IL34: variants seen among roughly 807,000 people sequenced by gnomAD.
The protein encoded by IL34 is interleukin-34.
Under a neutral mutation model 25.3 loss-of-function variants are expected in IL34, and 17 were observed. The observed-to-expected ratio is 0.67, with a 90% CI of 0.46 to 1.01. IL34 has a LOEUF of 1.01. Ranked by LOEUF, IL34 falls within the 50% of genes least tolerant of loss-of-function variation. IL34 has a pLI of 0.00. For synonymous variants in IL34, 174 were observed against 140.9 expected (o/e 1.23, Z -1.66); for missense variants, 368 against 312.9 (o/e 1.18, Z -1.33).
At position 70,640,625 on chromosome 16, in the gene IL34, A is replaced by AT. The variant is rs1337838044; in HGVS notation, c.-400-5922dup. On this transcript the variant is annotated intron_variant, in intron 1 of 6. Coordinates refer to the IL34 transcript ENST00000429149. ...GGCGACAGAGCAAGACTCCGTCTCAATAAAAAAAAAAAAAAAAGTTAGTTT... is the reference window on the plus strand; with the variant it reads ...GGCGACAGAGCAAGACTCCGTCTCAATTAAAAAAAAAAAAAAAAGTTAGTTT... Among the ~76,000 whole-genome samples, 104 of 105,692 alleles carry AT rather than the reference A, an allele frequency of 9.8e-4. No individual in the cohort carries two copies. In the Middle Eastern group the frequency reaches 0.013, roughly 13 times the overall value. The allele number at this position is 105,692 out of a possible 152,430, so 69.3% of individuals were successfully genotyped here. A position where few individuals can be genotyped will look rare whatever the true frequency, so the allele number is the denominator to read the frequency against.
chr16:70,634,638 T>G (rs1211407865), intron 1 of IL34, among the ~76,000 whole-genome samples: 1 of 150,354 alleles, frequency 6.7e-6, no homozygotes, highest in African/African-American at 2.5e-5. Context: ...CGAGATCGTG[T>G]CACTGAACTC....
chr16:70,629,807 T>G (rs560394925), intron 1 of IL34, among the ~76,000 whole-genome samples: 1 of 152,322 alleles, frequency 6.6e-6, no homozygotes, highest in African/African-American at 2.4e-5. Context: ...AATAATCACA[T>G]GAGTGTACAT....
At position 70,660,085 on chromosome 16, in the gene IL34, C is replaced by G. The variant is rs1425298750; in HGVS notation, c.627C>G (p.Ala209=). 2 of 1,613,766 alleles carry G rather than the reference C, an allele frequency of 1.2e-6. No individual in the cohort carries two copies. The highest frequency in any genetic ancestry group is 1.7e-6 in the Non-Finnish European group (2 of 1,179,912). ...CAGAGCCCTCATTGCAGTATGCGGC[C>G]ACCCAGCTGTACCCTCCGCCCCCGT... The part of the protein sequence containing the change: ...CSPEPSLQYA[A]TQLYPPPPWS... Residue 209 remains alanine (A), a synonymous_variant, in exon 6 of 6, where the codon GCC becomes GCG. Coordinates refer to ENST00000288098, the MANE Select transcript of IL34 (RefSeq NM_001393494.1).
At chr16:70,590,760 C>T (rs1030124250) in intron 1 of IL34, among the ~76,000 whole-genome samples, 4 of 152,182 alleles carry the variant, frequency 2.6e-5, no homozygotes, top group African/African-American at 4.8e-5. Context: ...TGCTGGGATT[C>T]GAACCCAGGC....
chr16:70,594,558 T>C (rs1361034841), intron 1 of IL34, among the ~76,000 whole-genome samples: 2 of 152,180 alleles, frequency 1.3e-5, no homozygotes, highest in African/African-American at 4.8e-5. Flanking sequence ...TTCCAAAGAT[T>C]GTATGTGTAT....
At chr16:70,600,018 C>T (rs979423573) in intron 1 of IL34, among the ~76,000 whole-genome samples, 2 of 152,056 alleles carry the variant, frequency 1.3e-5, no homozygotes, top group African/African-American at 2.4e-5. Context: ...CTGGCCTTGT[C>T]CTGGCTGTCC....
At chr16:70,644,918 A>AAGGAGGAGGGGGAGGAGGAAGGAGGAAG (rs2051880303), upstream of IL34, among the ~76,000 whole-genome samples, 2 of 85,264 alleles carry the variant, frequency 2.3e-5, 1 homozygote, top group Non-Finnish European at 5.0e-5. Context: ...GAGGGAGGAG[A>AAGGAGGAGGGGGAGGAGGAAGGAGGAAG]AGGAGGAGGA....
chr16:70,642,153 G>T (rs562529372), upstream of IL34, among the ~76,000 whole-genome samples: 3 of 152,112 alleles, frequency 2.0e-5, no homozygotes, highest in Admixed American at 2.0e-4. Context: ...ATTGATTTCC[G>T]GTGAGGGCTC....
upstream of IL34, among the ~76,000 whole-genome samples, chr16:70,643,269 G>A (rs1292622946): frequency 6.6e-6 from 1 of 152,140 alleles, no homozygotes; most frequent in Non-Finnish European, 1.5e-5. Context: ...TTGCCATATT[G>A]GCCAGGCTGG....
chr16:70,591,343 G>A (rs554265604), intron 1 of IL34, among the ~76,000 whole-genome samples: 2 of 152,226 alleles, frequency 1.3e-5, no homozygotes, highest in East Asian at 1.9e-4. Flanking sequence ...CAGAGCTGAG[G>A]CAGGATGACC....
intron 1 of IL34, among the ~76,000 whole-genome samples, chr16:70,612,992 C>T (rs1046504198): frequency 5.9e-5 from 9 of 152,074 alleles, no homozygotes; most frequent in Non-Finnish European, 2.9e-5. Flanking sequence ...AGGCTGGTCT[C>T]GAACTCCTGA....
At chr16:70,650,204 G>T (rs906904779) in intron 1 of IL34, among the ~76,000 whole-genome samples, 1 of 152,146 alleles carries the variant, frequency 6.6e-6, no homozygotes, top group South Asian at 2.1e-4. Flanking sequence ...CAGAGCATGT[G>T]GGGGACAGTG....
chr16:70,585,762 G>C (rs1266694150), intron 1 of IL34, among the ~76,000 whole-genome samples: 4 of 151,238 alleles, frequency 2.6e-5, no homozygotes, highest in Non-Finnish European at 5.9e-5. Context: ...GAACTCCTGG[G>C]CTTAAGCAGT....
chr16:70,645,173 G>T (rs1392544642), upstream of IL34, among the ~76,000 whole-genome samples: 1 of 152,002 alleles, frequency 6.6e-6, no homozygotes. Context: ...GGAGGAAGAG[G>T]AAGGAGGAAA....
At chr16:70,642,034 T>G (rs906708429), upstream of IL34, among the ~76,000 whole-genome samples, 7 of 152,166 alleles carry the variant, frequency 4.6e-5, 1 homozygote, top group African/African-American at 1.7e-4. Flanking sequence ...GTGTCTTAGT[T>G]TACCTGGCCT....
intron 1 of IL34, among the ~76,000 whole-genome samples, chr16:70,582,362 A>G (rs1277541053): frequency 6.6e-6 from 1 of 152,240 alleles, no homozygotes; most frequent in Non-Finnish European, 1.5e-5. Flanking sequence ...GAGTTTCTGG[A>G]ACATCTGTGG....
In IL34 at chr16:70,603,984, C is replaced by G. The variant is rs561396702; in HGVS notation, c.-401+23935C>G. Among the ~76,000 whole-genome samples the G allele has an allele frequency of 2.6e-4, 40 of 152,286 alleles. No individual in the cohort carries two copies. The Middle Eastern group carries it at 0.01, about 39-fold the overall frequency. Reference sequence around the variant, plus strand: ...GAAGATTTGCCAGCCCTTGACTGTGCCTGCCTGCATTAATTGCTTTAATTA... The same window carrying G: ...GAAGATTTGCCAGCCCTTGACTGTGGCTGCCTGCATTAATTGCTTTAATTA... On this transcript the variant is annotated intron_variant, in intron 1 of 6. Transcript: ENST00000429149.
At chr16:70,588,528 T>C (rs1400322857) in intron 1 of IL34, among the ~76,000 whole-genome samples, 1 of 151,650 alleles carries the variant, frequency 6.6e-6, no homozygotes, top group African/African-American at 2.4e-5. Flanking sequence ...AGAATCACCA[T>C]ACAATCCAGC....
At chr16:70,632,413 T>G (rs1485852678) in intron 1 of IL34, among the ~76,000 whole-genome samples, 1 of 152,192 alleles carries the variant, frequency 6.6e-6, no homozygotes, top group Non-Finnish European at 1.5e-5. Context: ...AATCTCCTTT[T>G]GTAGGTGTTT....
Sources: gnomAD v4.1 joint callset for allele counts (sites outside exome capture counted in the v4.1 genomes callset) on GRCh38, gnomAD v4.1.1 for gene constraint, MANE v1.5 for transcripts, NCBI Gene and HGNC (gene_info 2026-07-23, HGNC 2026-07-21) for gene names.